Variants in DYNC2H1 observed in about 807,000 individuals in gnomAD.
DYNC2H1 encodes cytoplasmic dynein 2 heavy chain 1.
In DYNC2H1, 410 loss-of-function variants were observed where a neutral mutation model predicts 570.0. The ratio of observed to expected loss-of-function variants is 0.72; its 90% confidence interval spans 0.66 to 0.78. The LOEUF is 0.78. DYNC2H1 is among the 30% of genes least tolerant of loss of function. DYNC2H1 has a pLI of 0.00. For synonymous variants in DYNC2H1, 1,688 were observed against 1,677.6 expected, an observed-to-expected ratio of 1.01 and a Z score of -0.15; for missense variants, 4,865 against 5,046.4, an observed-to-expected ratio of 0.96 and a Z score of 1.09.
intron 55 of DYNC2H1, among the ~76,000 whole-genome samples, chr11:103,216,696 G>A (rs750870325): frequency 1.6e-4 from 25 of 152,028 alleles, no homozygotes; most frequent in Non-Finnish European, 3.2e-4. Context: ...GGAGGCTGAG[G>A]TAGGAGGATT....
intron 18 of DYNC2H1, among the ~76,000 whole-genome samples, chr11:103,146,455 G>A (rs1015872342): frequency 6.6e-6 from 1 of 151,944 alleles, no homozygotes; most frequent in Non-Finnish European, 1.5e-5. Flanking sequence ...CTTTATACTT[G>A]TTTTCTGATT....
intron 78 of DYNC2H1, 51 bp from the exon 79 acceptor site, chr11:103,311,827 A>G (rs758822844): frequency 2.0e-6 from 3 of 1,512,064 alleles, no homozygotes; most frequent in Non-Finnish European, 2.7e-6. Flanking sequence ...AATCTAATAT[A>G]TTTTACTTGT....
intron 82 of DYNC2H1, among the ~76,000 whole-genome samples, chr11:103,340,937 A>G (rs1939412219): frequency 6.6e-6 from 1 of 152,148 alleles, no homozygotes; most frequent in South Asian, 2.1e-4. Context: ...AGCTTATAAT[A>G]GTTACAAAGG....
rs779759848 is a variant in DYNC2H1 at position 103,446,035 on chromosome 11, GTTTTGT to G, written c.12457-9149_12457-9144del. On this transcript the variant is annotated intron_variant, in intron 85 of 88. Coordinates refer to ENST00000375735, the MANE Select transcript of DYNC2H1 (RefSeq NM_001377.3). The surrounding 1 kb of genome is among the most constrained non-coding windows in gnomAD (Gnocchi z 4.5). ...ACTGACAATATGGTAATAGAGCAGA[GTTTTGT>G]TGTTGTTGTTGTTGTTGTTGTTGTT... is the stretch of plus-strand genomic sequence containing the variant. Among the ~76,000 whole-genome samples the G allele has an allele frequency of 2.7e-5, 3 of 112,906 alleles. No homozygotes were observed. The highest frequency in any genetic ancestry group is 5.5e-5 in the Non-Finnish European group (3 of 54,598). 74.1% of individuals were successfully genotyped at this position (112,906 alleles called of 152,430 possible).
At chr11:103,323,784 C>T in intron 81 of DYNC2H1, 102 bp from the exon 82 acceptor site, 1 of 888,392 alleles carries the variant, frequency 1.1e-6, no homozygotes, top group South Asian at 2.0e-5. Flanking sequence ...AATAAAAATA[C>T]AAATAATAAT....
intron 83 of DYNC2H1, among the ~76,000 whole-genome samples, chr11:103,360,145 T>C (rs1477587625): frequency 6.6e-6 from 1 of 152,098 alleles, no homozygotes; most frequent in African/African-American, 2.4e-5. Context: ...TTATAGAATA[T>C]GTTGCTCAAA....
At chr11:103,130,067 A>C (rs1859194731) in intron 13 of DYNC2H1, among the ~76,000 whole-genome samples, 1 of 152,230 alleles carries the variant, frequency 6.6e-6, no homozygotes. Flanking sequence ...GTCTTCTCCC[A>C]GTGGAATCAC....
At position 103,199,924 on chromosome 11, in the gene DYNC2H1, G is replaced by T. The variant is rs372270174; in HGVS notation, c.8089-122G>T. The T allele has an allele frequency of 1.7e-5, 11 of 659,404 alleles. No individual in the cohort carries two copies. Among genetic ancestry groups the T allele is most frequent in the East Asian group, 9.6e-5 (3 of 31,200 alleles). The allele number at this position is 659,404 out of a possible 1,614,324, so 40.8% of individuals were successfully genotyped here. On this transcript the variant is annotated intron_variant, in intron 49 of 88. Coordinates refer to ENST00000375735, the MANE Select transcript of DYNC2H1 (RefSeq NM_001377.3). This position sits in a 1 kb window ranked among gnomAD's most constrained non-coding sequence, Gnocchi z 4.6. The stretch of plus-strand genomic sequence containing the variant: ...AAGTTTGATTTTTAATTATTAAAAT[G>T]GAAATAAATGAATAAATAAACACAT...
At chr11:103,233,293 G>GTT (rs10600715) in intron 60 of DYNC2H1, among the ~76,000 whole-genome samples, 2 of 148,944 alleles carry the variant, frequency 1.3e-5, no homozygotes, top group African/African-American at 4.9e-5. Context: ...TTAAATGCTG[G>GTT]TTTTTTTTTT....
intron 70 of DYNC2H1, among the ~76,000 whole-genome samples, chr11:103,266,971 G>T (rs1339169315): frequency 6.6e-6 from 1 of 152,160 alleles, no homozygotes; most frequent in Non-Finnish European, 1.5e-5. Context: ...GGCCATTCCT[G>T]GCCAGCTCTG....
chr11:103,110,758 TG>T (rs950405729), intron 1 of DYNC2H1, among the ~76,000 whole-genome samples: 64 of 152,016 alleles, frequency 4.2e-4, no homozygotes, highest in African/African-American at 1.5e-3. Flanking sequence ...CCTCTTCCTT[TG>T]GTGTTCACCC....
intron 84 of DYNC2H1, among the ~76,000 whole-genome samples, chr11:103,413,952 T>TGAAAA (rs1295422587): frequency 6.6e-6 from 1 of 152,126 alleles, no homozygotes; most frequent in Non-Finnish European, 1.5e-5. Context: ...TTCATTCATT[T>TGAAAA]AGCAAATAAA....
intron 12 of DYNC2H1, among the ~76,000 whole-genome samples, chr11:103,126,069 TTGA>T (rs1464184426): frequency 5.3e-5 from 8 of 152,358 alleles, no homozygotes; most frequent in African/African-American, 1.7e-4. Context: ...TTTCTTTGAC[TTGA>T]TTATTATATT....
Position 103,309,168 on chromosome 11 carries a change from A to ATTTTTTTTTTTTTTTTTTTTTTTTTTT in DYNC2H1, c.11493+1361_11493+1362insTTTTTTTTTTTTTTTTTTTTTTTTTTT, listed in dbSNP as rs386374721. On this transcript the variant is annotated intron_variant, in intron 78 of 88. Coordinates refer to ENST00000375735, the MANE Select transcript of DYNC2H1 (RefSeq NM_001377.3). The stretch of plus-strand genomic sequence containing the variant: ...TTATTAGTGTTTGTAACTGCATGCT[A>ATTTTTTTTTTTTTTTTTTTTTTTTTTT]TTTTTTTTTTTTTTTTTTTTTTTTG... Among the ~76,000 whole-genome samples the ATTTTTTTTTTTTTTTTTTTTTTTTTTT allele has an allele frequency of 4.0e-3, 217 of 54,638 alleles. 50 individuals carry two copies. The highest frequency in any genetic ancestry group is 6.6e-3 in the Admixed American group (21 of 3,176). The allele number at this position is 54,638 out of a possible 152,430, so 35.8% of individuals were successfully genotyped here.
rs762723352 is a variant in DYNC2H1 at position 103,399,672 on chromosome 11, C to T, written c.12166C>T (p.Leu4056=). The change falls in exon 84 of 89, where the codon CTA becomes TTA. Residue 4056 remains leucine (L), a synonymous_variant. Coordinates refer to ENST00000375735, the MANE Select transcript of DYNC2H1 (RefSeq NM_001377.3). ...LWKKLNQNSN[L]IHQKVPPPND... ...GACATTTTTCTTTTAGAATTCAAAC[C>T]TAATACATCAGAAAGTGCCTCCTCC... is the stretch of plus-strand genomic sequence containing the variant. The T allele has an allele frequency of 2.4e-5, 38 of 1,610,236 alleles. No homozygotes were observed. The highest frequency in any genetic ancestry group is 2.2e-4 in the Admixed American group (13 of 59,776).
At chr11:103,176,126 T>G (rs1484271072) in intron 36 of DYNC2H1, 109 bp from the exon 37 acceptor site, 2 of 792,594 alleles carry the variant, frequency 2.5e-6, no homozygotes, top group Non-Finnish European at 3.7e-6. Flanking sequence ...GTTACTAAAT[T>G]CTAGTGCATT....
chr11:103,170,016 T>TA lies in DYNC2H1; in HGVS notation c.4969-92_4969-91insA. On this transcript the variant is annotated intron_variant, in intron 32 of 88. Coordinates refer to ENST00000375735, the MANE Select transcript of DYNC2H1 (RefSeq NM_001377.3). This position sits in a 1 kb window ranked among gnomAD's most constrained non-coding sequence, Gnocchi z 4.8. ...AAAACTTTAACCTGTTTGTTGCATT[T>TA]TTATCTTTTTAACTACAATCTCATG... The TA allele has an allele frequency of 8.1e-7, 1 of 1,236,734 alleles. No homozygotes were observed. The highest frequency in any genetic ancestry group is 1.1e-6 in the Non-Finnish European group (1 of 930,750). 76.6% of individuals were successfully genotyped at this position (1,236,734 alleles called of 1,614,324 possible). A position where few individuals can be genotyped will look rare whatever the true frequency, so the allele number is the denominator to read the frequency against.
At position 103,461,763 on chromosome 11, in the gene DYNC2H1, TTAAACATTTTAAACA is replaced by T. The variant is rs1945022002; in HGVS notation, c.12648+5408_12648+5422del. On this transcript the variant is annotated intron_variant, in intron 87 of 88. Coordinates refer to ENST00000375735, the MANE Select transcript of DYNC2H1 (RefSeq NM_001377.3). The surrounding 1 kb of genome is among the most constrained non-coding windows in gnomAD (Gnocchi z 4.8). ...TAATAATGTTTAATACTTTCTATTA[TTAAACATTTTAAACA>T]AATACAGAAGAGAGAGTAGTAAAAT... Among the ~76,000 whole-genome samples, 1 of 149,406 alleles carries T rather than the reference TTAAACATTTTAAACA, an allele frequency of 6.7e-6. No individual in the cohort carries two copies. The highest frequency in any genetic ancestry group is 1.5e-5 in the Non-Finnish European group (1 of 67,390).
chr11:103,269,749 T>A (rs588637), intron 70 of DYNC2H1, among the ~76,000 whole-genome samples: 8,508 of 152,300 alleles, frequency 0.056, 315 homozygotes, highest in Middle Eastern at 0.13. Context: ...ATTGTATATT[T>A]TGTTCCCTAA....
Sources: allele counts gnomAD v4.1 joint callset (sites outside exome capture counted in the v4.1 genomes callset), GRCh38; gene constraint gnomAD v4.1.1; non-coding constraint Gnocchi (gnomAD v3.1); transcripts MANE v1.5; gene names NCBI Gene and HGNC (gene_info 2026-07-23, HGNC 2026-07-21).